TRMT44: variants seen among roughly 807,000 people sequenced by gnomAD.
TRMT44 encodes probable tRNA (uracil-O(2)-)-methyltransferase.
A neutral mutation model predicts 77.3 loss-of-function variants in TRMT44; 78 were observed. That is an observed-to-expected ratio of 1.01 (90% CI 0.84 to 1.22). The LOEUF is 1.22. Among genes scored for constraint, TRMT44 ranks in the 50% most tolerant of loss-of-function variants. The pLI, the probability that TRMT44 is intolerant of heterozygous loss-of-function variation, is 0.00. For synonymous variants in TRMT44, 391 were observed against 383.3 expected (o/e 1.02, Z -0.23); for missense variants, 1,090 against 964.4 (o/e 1.13, Z -1.73).
the TRMT44 span, among the ~76,000 whole-genome samples, chr4:8,511,374 A>C: frequency 6.6e-6 from 1 of 152,136 alleles, no homozygotes; most frequent in East Asian, 1.9e-4. Flanking sequence ...TGGGAGTCAG[A>C]ATAATGTCCC....
intron 2 of TRMT44, among the ~76,000 whole-genome samples, chr4:8,488,734 G>A (rs1467457979): frequency 6.6e-6 from 1 of 152,202 alleles, no homozygotes; most frequent in African/African-American, 2.4e-5. Context: ...CAAGGTTTCT[G>A]GTGCAGCCCT....
At chr4:8,491,576 G>A (rs1728006045) in intron 2 of TRMT44, among the ~76,000 whole-genome samples, 1 of 152,248 alleles carries the variant, frequency 6.6e-6, no homozygotes, top group Admixed American at 6.5e-5. Context: ...GCTAAGGCCT[G>A]GCGAGAAATC....
chr4:8,493,019 G>C (rs894883233), intron 2 of TRMT44, among the ~76,000 whole-genome samples: 1 of 152,134 alleles, frequency 6.6e-6, no homozygotes, highest in African/African-American at 2.4e-5. Context: ...TTCCTAAATC[G>C]ACTGAGACCT....
downstream of TRMT44, among the ~76,000 whole-genome samples, chr4:8,481,354 G>A (rs747001034): frequency 3.9e-5 from 6 of 152,190 alleles, no homozygotes; most frequent in African/African-American, 1.4e-4. Flanking sequence ...ACCAAGCTGT[G>A]CCCCGACCAC....
chr4:8,503,746 T>C, the TRMT44 span, among the ~76,000 whole-genome samples: 1 of 152,238 alleles, frequency 6.6e-6, no homozygotes, highest in African/African-American at 2.4e-5. Context: ...TGCTTTGGCC[T>C]GGGCCCTGGC....
chr4:8,450,512 AAAGTT>A (rs2109101072), intron 3 of TRMT44, among the ~76,000 whole-genome samples: 1 of 152,346 alleles, frequency 6.6e-6, no homozygotes, highest in African/African-American at 2.4e-5. Flanking sequence ...AAATATGTGA[AAAGTT>A]AAAATACAAA....
chr4:8,464,925 G>A (rs1000285497), intron 7 of TRMT44, among the ~76,000 whole-genome samples: 2 of 152,218 alleles, frequency 1.3e-5, no homozygotes, highest in Non-Finnish European at 2.9e-5. Context: ...AACATGGGGT[G>A]CAGCTGGAGG....
rs145737988 is a variant in TRMT44 at position 8,459,181 on chromosome 4, G to A, written c.1203+4368G>A. On this transcript the variant is annotated intron_variant, in intron 6 of 10. Transcript: ENST00000389737. The stretch of plus-strand genomic sequence containing the variant: ...TGTGCCACTGCACACCAGCCTGGGC[G>A]ACGCAAGTGAGACTCTGTCTCCAAA... 3.5e-4 allele frequency among the ~76,000 whole-genome samples: 53 copies of A among 152,324 alleles called. 1 individual carries two copies. The highest frequency in any genetic ancestry group is 1.1e-3 in the African/African-American group (47 of 41,576).
intron 1 of TRMT44, among the ~76,000 whole-genome samples, chr4:8,443,232 T>C (rs1356959738): frequency 1.3e-5 from 2 of 152,188 alleles, no homozygotes; most frequent in African/African-American, 4.8e-5. Context: ...TTTTACGTTG[T>C]CCATCCACTG....
At chr4:8,485,641 G>C (rs1036874521) in intron 2 of TRMT44, among the ~76,000 whole-genome samples, 1 of 152,134 alleles carries the variant, frequency 6.6e-6, no homozygotes, top group African/African-American at 2.4e-5. Flanking sequence ...GGGGATATGA[G>C]AGGAAGATGC....
rs1186589143 is a variant in TRMT44 at position 8,441,408 on chromosome 4, C to T, written c.586C>T (p.Leu196Phe). The change falls in exon 1 of 11, where the codon CTT becomes TTT. Residue 196 changes from leucine to phenylalanine, a missense_variant. Physicochemically the swap from Leu to Phe is conservative, Grantham distance 22. Coordinates refer to ENST00000389737, the MANE Select transcript of TRMT44 (RefSeq NM_152544.3). ...VIPKTSPHCP[L>F]TTPRREIVVQ... ...CCCGAAAACTAGCCCACATTGCCCCCTTACAACTCCCAGGAGGGAAATAGT... is the reference window on the plus strand; with the variant it reads ...CCCGAAAACTAGCCCACATTGCCCCTTTACAACTCCCAGGAGGGAAATAGT... 1.3e-6 allele frequency: 2 copies of T among 1,524,800 alleles called. No individual in the cohort carries two copies. Among genetic ancestry groups the T allele is most frequent in the East Asian group, 4.9e-5 (2 of 40,628 alleles). 94.5% of individuals were successfully genotyped at this position (1,524,800 alleles called of 1,614,324 possible). A position where few individuals can be genotyped will look rare whatever the true frequency, so the allele number is the denominator to read the frequency against.
At chr4:8,470,931 T>C (rs1726947839) in intron 9 of TRMT44, 153 bp from the exon 10 acceptor site, 4 of 583,192 alleles carry the variant, frequency 6.9e-6, no homozygotes, top group South Asian at 6.8e-5. Context: ...TGGTGCGGTG[T>C]GGTGTGGGTT....
At chr4:8,508,489 C>T in the TRMT44 span, among the ~76,000 whole-genome samples, 73 of 152,332 alleles carry the variant, frequency 4.8e-4, 1 homozygote, top group Non-Finnish European at 9.3e-4. Context: ...ACCTCGTCCC[C>T]TCTGCTGGGC....
Position 8,491,598 on chromosome 4 carries a change from C to T in TRMT44, n.3892-1668C>T, listed in dbSNP as rs544526187. ...CCTGGCGAGAAATCGAGCACAGCGCCGGTGGGCCGGCACTGCTGGGGGACC... is the reference window on the plus strand; with the variant it reads ...CCTGGCGAGAAATCGAGCACAGCGCTGGTGGGCCGGCACTGCTGGGGGACC... On this transcript the variant is annotated intron_variant and non_coding_transcript_variant, in intron 2 of 2. Transcript: ENST00000511366. Among the ~76,000 whole-genome samples, 111 of 152,216 alleles carry T rather than the reference C, an allele frequency of 7.3e-4. 4 individuals are homozygous for T. Among genetic ancestry groups the T allele is most frequent in the Non-Finnish European group, 3.5e-4 (24 of 68,030 alleles).
In TRMT44 at chr4:8,468,305, G is replaced by A. The variant is rs1726746349; in HGVS notation, c.1886G>A (p.Arg629Lys). 6.2e-7 allele frequency: 1 copy of A among 1,614,074 alleles called. No individual in the cohort carries two copies. The highest frequency in any genetic ancestry group is 8.5e-7 in the Non-Finnish European group (1 of 1,180,060). The stretch of plus-strand genomic sequence containing the variant: ...TTAGGTGGAAAGCAATTAAACACAA[G>A]AAGTTCTCGAAATGGGAGTTTGAAG... ...LLLGGKQLNT[R>K]SSRNGSLKTW... is the part of the protein sequence containing the mutation. Residue 629 changes from arginine to lysine, a missense_variant, in exon 9 of 11, where the codon AGA (arginine) becomes AAA (lysine). Coordinates refer to ENST00000389737, the MANE Select transcript of TRMT44 (RefSeq NM_152544.3).
At chr4:8,445,568 C>G (rs1396270710) in intron 1 of TRMT44, among the ~76,000 whole-genome samples, 1 of 152,192 alleles carries the variant, frequency 6.6e-6, no homozygotes, top group African/African-American at 2.4e-5. Flanking sequence ...TCCAGGTGCC[C>G]CATGGCACAC....
Position 8,452,764 on chromosome 4 carries a change from G to A in TRMT44, c.1024-118G>A. On this transcript the variant is annotated intron_variant, in intron 4 of 10. Coordinates refer to ENST00000389737, the MANE Select transcript of TRMT44 (RefSeq NM_152544.3). This position sits in a 1 kb window ranked among gnomAD's most constrained non-coding sequence, Gnocchi z 5.7. ...AAAGAAAAAAAAAAAAGAATGTTTA[G>A]TGTAGATGATTTCAAGTTTCCTTTC... is the stretch of plus-strand genomic sequence containing the variant. The A allele has an allele frequency of 1.7e-6, 1 of 582,158 alleles. No individual in the cohort carries two copies. The allele number at this position is 582,158 out of a possible 1,614,324, so 36.1% of individuals were successfully genotyped here.
At chr4:8,455,760 A>G (rs1355291854) in intron 6 of TRMT44, among the ~76,000 whole-genome samples, 1 of 152,248 alleles carries the variant, frequency 6.6e-6, no homozygotes, top group East Asian at 1.9e-4. Flanking sequence ...TGTTCCATTG[A>G]ATTGTAGGTA....
chr4:8,492,732 G>T (rs185844120), intron 2 of TRMT44, among the ~76,000 whole-genome samples: 1 of 152,326 alleles, frequency 6.6e-6, no homozygotes, highest in African/African-American at 2.4e-5. Flanking sequence ...TGAGATAGAT[G>T]CGTCTCTGCC....
Sources: gnomAD v4.1 joint callset for allele counts (sites outside exome capture counted in the v4.1 genomes callset) on GRCh38, gnomAD v4.1.1 for gene constraint, Gnocchi (gnomAD v3.1) non-coding constraint, MANE v1.5 for transcripts, NCBI Gene and HGNC (gene_info 2026-07-23, HGNC 2026-07-21) for gene names.